Variants in SGTB observed in about 807,000 individuals in gnomAD.
The protein encoded by SGTB is small glutamine-rich tetratricopeptide repeat-containing protein beta.
In SGTB, 19 loss-of-function variants were observed where a neutral mutation model predicts 43.9. That is an observed-to-expected ratio of 0.43 (90% CI 0.30 to 0.63). The LOEUF is 0.63. SGTB is among the 30% of genes least tolerant of loss of function. The pLI is 0.12. For missense variants in SGTB, 304 were observed against 358.9 expected, an observed-to-expected ratio of 0.85 and a Z score of 1.24; for synonymous variants, 116 against 117.3, an observed-to-expected ratio of 0.99 and a Z score of 0.07.
At chr5:65,686,390 T>C (rs192448641) in intron 5 of SGTB, among the ~76,000 whole-genome samples, 1 of 152,312 alleles carries the variant, frequency 6.6e-6, no homozygotes, top group Admixed American at 6.5e-5. Context: ...GGCTCCTTCA[T>C]GTTCTTCAGT....
intron 5 of SGTB, among the ~76,000 whole-genome samples, chr5:65,692,082 A>C (rs1319177766): frequency 2.6e-5 from 4 of 152,168 alleles, no homozygotes; most frequent in Non-Finnish European, 5.9e-5. Context: ...TTTTTAAAAA[A>C]TTAACGAGTC....
intron 2 of SGTB, among the ~76,000 whole-genome samples, chr5:65,719,410 C>A (rs1205164919): frequency 6.6e-6 from 1 of 151,650 alleles, no homozygotes; most frequent in African/African-American, 2.4e-5. Context: ...GGCAACATGG[C>A]GAAACTCTGT....
intron 5 of SGTB, among the ~76,000 whole-genome samples, chr5:65,687,624 C>A (rs1757524311): frequency 6.6e-6 from 1 of 152,144 alleles, no homozygotes; most frequent in South Asian, 2.1e-4. Flanking sequence ...GTCCATAGAG[C>A]CAGGAAGGTC....
At chr5:65,722,887 C>T (rs1758350617), upstream of SGTB, 1 of 154,800 alleles carries the variant, frequency 6.5e-6, no homozygotes, top group South Asian at 1.9e-4. Context: ...TGTTTCCGTC[C>T]ATGCTCTCTG....
At chr5:65,694,661 G>C (rs2150713508) in intron 5 of SGTB, among the ~76,000 whole-genome samples, 1 of 151,930 alleles carries the variant, frequency 6.6e-6, no homozygotes, top group East Asian at 2.0e-4. Flanking sequence ...ATTTTTAGTG[G>C]AGACAGGGGT....
chr5:65,686,239 T>A (rs1248433258), intron 5 of SGTB, among the ~76,000 whole-genome samples: 1 of 152,164 alleles, frequency 6.6e-6, no homozygotes, highest in Non-Finnish European at 1.5e-5. Flanking sequence ...CTTCAATTTC[T>A]CACAACTGCA....
chr5:65,693,002 T>C (rs1277464788), intron 5 of SGTB, among the ~76,000 whole-genome samples: 1 of 151,974 alleles, frequency 6.6e-6, no homozygotes, highest in African/African-American at 2.4e-5. Flanking sequence ...GGTCAGGAGT[T>C]TGAGAAAGCC....
chr5:65,675,864 A>C (rs1238663101), intron 8 of SGTB, among the ~76,000 whole-genome samples: 1 of 152,230 alleles, frequency 6.6e-6, no homozygotes. Context: ...GAAAGGAAAA[A>C]TTGTTACCAG....
At chr5:65,691,347 T>C (rs560395754) in intron 5 of SGTB, among the ~76,000 whole-genome samples, 5 of 152,308 alleles carry the variant, frequency 3.3e-5, no homozygotes, top group African/African-American at 1.2e-4. Flanking sequence ...AGCTCAAGGC[T>C]ACAACAGGGA....
Position 65,700,646 on chromosome 5 carries a change from A to G in SGTB, c.374+3633T>C, listed in dbSNP as rs529728246. Among the ~76,000 whole-genome samples, 660 of 146,842 alleles carry G rather than the reference A, an allele frequency of 4.5e-3. 3 individuals carry two copies. The highest frequency in any genetic ancestry group is 0.015 in the African/African-American group (613 of 39,778). On this transcript the variant is annotated intron_variant, in intron 5 of 10. Transcript: ENST00000381007. Reference sequence around the variant, plus strand: ...CAGTGAGCCAAGATCGCGCCACTGCACTCCAGCCTGGGCGACAGAGTGAGA... The same window carrying G: ...CAGTGAGCCAAGATCGCGCCACTGCGCTCCAGCCTGGGCGACAGAGTGAGA...
Position 65,670,285 on chromosome 5 carries a change from C to G in SGTB, c.876G>C (p.Arg292=), listed in dbSNP as rs1425227259. 7 of 1,614,152 alleles carry G rather than the reference C, an allele frequency of 4.3e-6. No individual in the cohort carries two copies. Among genetic ancestry groups the G allele is most frequent in the Non-Finnish European group, 5.9e-6 (7 of 1,179,996 alleles). ...ELIEQLRNHI[R]SRSFSSSAEE... The stretch of plus-strand genomic sequence containing the variant: ...CAGCGCTGCTGCTGAATGATCTGCT[C>G]CGGATGTGATTTCTCAGTTGCTCTA... The change falls in exon 11 of 11, where the codon CGG becomes CGC. Residue 292 remains arginine (R), a synonymous_variant. Coordinates refer to ENST00000381007, the MANE Select transcript of SGTB (RefSeq NM_019072.3).
chr5:65,681,901 G>A (rs865958345), intron 6 of SGTB, among the ~76,000 whole-genome samples: 1 of 152,062 alleles, frequency 6.6e-6, no homozygotes, highest in Admixed American at 6.5e-5. Flanking sequence ...CTTGAATCCA[G>A]GAGGCGGAGG....
intron 5 of SGTB, among the ~76,000 whole-genome samples, chr5:65,701,630 A>ATTT (rs35304663): frequency 6.5e-4 from 82 of 126,482 alleles, no homozygotes; most frequent in African/African-American, 2.2e-3. Flanking sequence ...TTTAAATTAA[A>ATTT]TTTTTTTTTT....
intron 5 of SGTB, among the ~76,000 whole-genome samples, chr5:65,700,309 C>T (rs949575777): frequency 3.3e-5 from 5 of 152,106 alleles, no homozygotes; most frequent in African/African-American, 7.2e-5. Context: ...AAATTTCAAA[C>T]ATTGAATGTG....
chr5:65,706,139 G>A (rs1172691287), intron 4 of SGTB, among the ~76,000 whole-genome samples: 1 of 152,106 alleles, frequency 6.6e-6, no homozygotes, highest in African/African-American at 2.4e-5. Context: ...TAAATTGTAT[G>A]ACATATGAAT....
At chr5:65,685,599 C>A in intron 5 of SGTB, 127 bp from the exon 6 acceptor site, 7 of 662,684 alleles carry the variant, frequency 1.1e-5, no homozygotes, top group South Asian at 6.4e-5. Flanking sequence ...ATTTCTAAGT[C>A]AAACTGTCTA....
intron 6 of SGTB, among the ~76,000 whole-genome samples, chr5:65,684,286 G>C (rs953650235): frequency 1.3e-5 from 2 of 151,986 alleles, no homozygotes; most frequent in African/African-American, 4.8e-5. Context: ...GTCTTGCTAT[G>C]TTGCCCAGGC....
chr5:65,690,830 A>G (rs1421674804), intron 5 of SGTB, among the ~76,000 whole-genome samples: 3 of 152,244 alleles, frequency 2.0e-5, no homozygotes, highest in African/African-American at 4.8e-5. Context: ...AAGATGAAAA[A>G]GCAAAACTTC....
Position 65,684,504 on chromosome 5 carries a change from C to A in SGTB, c.479+864G>T, listed in dbSNP as rs547056539. On this transcript the variant is annotated intron_variant, in intron 6 of 10. Transcript: ENST00000381007. Reference sequence around the variant, plus strand: ...TAGTTGCAAAGTTGTGGAGAAGGTACAAGGGAATGGGATCTTAAAGCATGA... The same window carrying A: ...TAGTTGCAAAGTTGTGGAGAAGGTAAAAGGGAATGGGATCTTAAAGCATGA... Among the ~76,000 whole-genome samples the A allele has an allele frequency of 8.5e-5, 13 of 152,116 alleles. No individual in the cohort carries two copies. In the South Asian group the frequency reaches 2.7e-3, roughly 32 times the overall value.
Sources: gnomAD v4.1 joint callset for allele counts (sites outside exome capture counted in the v4.1 genomes callset) on GRCh38, gnomAD v4.1.1 for gene constraint, MANE v1.5 for transcripts, NCBI Gene and HGNC (gene_info 2026-07-23, HGNC 2026-07-21) for gene names.